Variants in C3orf20 observed in about 807,000 individuals in gnomAD.
C3orf20 encodes uncharacterized protein C3orf20.
A neutral mutation model predicts 88.3 loss-of-function variants in C3orf20; 76 were observed. That is an observed-to-expected ratio of 0.86 (90% CI 0.72 to 1.04). The LOEUF (loss-of-function observed/expected upper bound fraction) is 1.04, where lower values mean the gene tolerates loss of function less well. Among genes scored for constraint, C3orf20 ranks in the 50% least tolerant of loss-of-function variants. The probability of loss-of-function intolerance (pLI) is 0.00; values close to 1 mark genes in which losing one functional copy is unlikely to be tolerated. For missense variants in C3orf20, 1,056 were observed against 1,123.3 expected (o/e 0.94, Z 0.86); for synonymous variants, 436 against 437.4 (o/e 1.00, Z 0.04).
chr3:14,721,661 G>T lies in C3orf20; in HGVS notation c.1443G>T (p.Glu481Asp), dbSNP rs1298076549. 3 of 1,614,002 alleles carry T rather than the reference G, an allele frequency of 1.9e-6. No homozygotes were observed. The Admixed American group carries it at 5.0e-5, about 27-fold the overall frequency. Residue 481 changes from glutamate to aspartate, a missense_variant, in exon 10 of 17, where the codon GAG (glutamate) becomes GAT (aspartate). Transcript: ENST00000253697. ...TLLSLEYKVN[E>D]EMKLKVLGQD... is the part of the protein sequence containing the mutation. ...TGTTTCTTCATCTACAGGTGAATGA[G>T]GAAATGAAACTAAAGGTACTGGGAC... is the stretch of plus-strand genomic sequence containing the variant.
At chr3:14,726,616 A>G (rs554503390) in intron 10 of C3orf20, among the ~76,000 whole-genome samples, 7 of 152,226 alleles carry the variant, frequency 4.6e-5, no homozygotes, top group Non-Finnish European at 1.0e-4. Context: ...GCAAAGTGCT[A>G]ACTTCCATCT....
intron 3 of C3orf20, 116 bp from the exon 4 acceptor site, chr3:14,684,126 C>T: frequency 7.1e-7 from 1 of 1,406,352 alleles, no homozygotes; most frequent in African/African-American, 1.4e-5. Context: ...CCCTGCATAC[C>T]CTAGGAATAG....
At chr3:14,753,187 A>G (rs533768378) in intron 12 of C3orf20, among the ~76,000 whole-genome samples, 1 of 152,250 alleles carries the variant, frequency 6.6e-6, no homozygotes, top group Non-Finnish European at 1.5e-5. Flanking sequence ...TGTCCTTTGC[A>G]GGGACCTGGA....
intron 4 of C3orf20, among the ~76,000 whole-genome samples, chr3:14,686,157 G>T (rs1575090411): frequency 6.6e-6 from 1 of 150,884 alleles, no homozygotes; most frequent in African/African-American, 2.4e-5. Context: ...ACCACGCCCA[G>T]CCCAGGATTT....
At chr3:14,732,379 G>C (rs975687759) in intron 12 of C3orf20, among the ~76,000 whole-genome samples, 1 of 152,148 alleles carries the variant, frequency 6.6e-6, no homozygotes, top group Middle Eastern at 3.2e-3. Context: ...CTGGGTATAA[G>C]TCTTTTATCA....
intron 7 of C3orf20, among the ~76,000 whole-genome samples, chr3:14,707,215 C>T (rs1422094922): frequency 2.1e-5 from 3 of 142,436 alleles, no homozygotes; most frequent in Non-Finnish European, 4.5e-5. Flanking sequence ...AGCCACTGCA[C>T]TCCATCTTGG....
At chr3:14,686,193 C>CGTGTGTGTGT (rs58844982) in intron 4 of C3orf20, among the ~76,000 whole-genome samples, 4,919 of 149,144 alleles carry the variant, frequency 0.033, 236 homozygotes, top group African/African-American at 0.11. Flanking sequence ...GAATCATATT[C>CGTGTGTGTGT]GTGTGTGTGT....
At chr3:14,733,939 G>A (rs906081904) in intron 12 of C3orf20, among the ~76,000 whole-genome samples, 17 of 152,088 alleles carry the variant, frequency 1.1e-4, no homozygotes, top group Admixed American at 3.3e-4. Context: ...CGCCCACCTC[G>A]GCCTCCCAAA....
intron 9 of C3orf20, among the ~76,000 whole-genome samples, chr3:14,716,267 C>G (rs2033937811): frequency 6.6e-6 from 1 of 152,174 alleles, no homozygotes; most frequent in African/African-American, 2.4e-5. Flanking sequence ...ACTCAAAAGT[C>G]TAAGGGACTA....
At chr3:14,727,167 G>A (rs2034380665) in intron 11 of C3orf20, 143 bp downstream of exon 11, 2 of 992,128 alleles carry the variant, frequency 2.0e-6, no homozygotes, top group Non-Finnish European at 3.0e-6. Context: ...AGGCATAGCA[G>A]AGATATTTCC....
intron 7 of C3orf20, among the ~76,000 whole-genome samples, chr3:14,712,180 G>T (rs61640379): frequency 7.3e-5 from 8 of 108,870 alleles, no homozygotes; most frequent in East Asian, 2.8e-4. Flanking sequence ...ACACGCGCGC[G>T]CGCACACACA....
At chr3:14,726,784 TA>T (rs2034363855) in intron 10 of C3orf20, 116 bp from the exon 11 acceptor site, 8 of 1,404,852 alleles carry the variant, frequency 5.7e-6, no homozygotes, top group Non-Finnish European at 7.8e-6. Flanking sequence ...CAGGTAGGGG[TA>T]GGGGGGCAGG....
intron 12 of C3orf20, among the ~76,000 whole-genome samples, chr3:14,731,960 T>C (rs1291293182): frequency 1.3e-5 from 2 of 152,256 alleles, no homozygotes; most frequent in Admixed American, 6.5e-5. Flanking sequence ...ATAAATACTG[T>C]GAGCAGGCTT....
At chr3:14,746,066 A>G (rs1024738583) in intron 12 of C3orf20, among the ~76,000 whole-genome samples, 4 of 152,216 alleles carry the variant, frequency 2.6e-5, no homozygotes, top group African/African-American at 4.8e-5. Flanking sequence ...CATGTTTTAC[A>G]TAAAGGGAAT....
At chr3:14,726,430 G>C (rs141984671) in intron 10 of C3orf20, among the ~76,000 whole-genome samples, 217 of 152,326 alleles carry the variant, frequency 1.4e-3, no homozygotes, top group African/African-American at 4.8e-3. Context: ...GCAGAGGGAG[G>C]CCGGCAGAGA....
At chr3:14,738,819 T>TG (rs2034812519) in intron 12 of C3orf20, among the ~76,000 whole-genome samples, 1 of 144,400 alleles carries the variant, frequency 6.9e-6, no homozygotes, top group African/African-American at 2.6e-5. Context: ...TTTTTTGTTT[T>TG]TTTTTTTTTT....
At chr3:14,709,533 G>C (rs2033656631) in intron 7 of C3orf20, among the ~76,000 whole-genome samples, 1 of 152,128 alleles carries the variant, frequency 6.6e-6, no homozygotes, top group South Asian at 2.1e-4. Flanking sequence ...TATGTTGTGG[G>C]AGTTCCCTTC....
rs983482974 is a variant in C3orf20, at chr3:14,701,944, A to G, written c.746-1186A>G. Among the ~76,000 whole-genome samples, 6 of 152,144 alleles carry G rather than the reference A, an allele frequency of 3.9e-5. No homozygotes were observed. Among genetic ancestry groups the G allele is most frequent in the Non-Finnish European group, 5.9e-5 (4 of 68,020 alleles). ...AGTCAACAATTCCTGGTGAGCATCA[A>G]TGATACCCCCAATATTCTGACATTT... On this transcript the variant is annotated intron_variant, in intron 5 of 16. Coordinates refer to ENST00000253697, the MANE Select transcript of C3orf20 (RefSeq NM_032137.5). This position sits in a 1 kb window ranked among gnomAD's most constrained non-coding sequence, Gnocchi z 4.6.
chr3:14,694,925 G>C (rs912882366), intron 5 of C3orf20, among the ~76,000 whole-genome samples: 8 of 151,968 alleles, frequency 5.3e-5, no homozygotes, highest in African/African-American at 1.7e-4. Context: ...CGAGTAGCTG[G>C]GATTACAGAC....
Sources: gnomAD v4.1 joint callset for allele counts (sites outside exome capture counted in the v4.1 genomes callset) on GRCh38, gnomAD v4.1.1 for gene constraint, Gnocchi (gnomAD v3.1) non-coding constraint, MANE v1.5 for transcripts, NCBI Gene and HGNC (gene_info 2026-07-23, HGNC 2026-07-21) for gene names.